The following TULP4 variants were observed in gnomAD, a reference collection of about 807,000 sequenced individuals.
The protein encoded by TULP4 is tubby-related protein 4.
Under a neutral mutation model 129.0 loss-of-function variants are expected in TULP4, and 16 were observed. The observed-to-expected ratio is 0.12, with a 90% confidence interval of 0.08 to 0.19. TULP4 has a LOEUF of 0.19. Among genes scored for constraint, TULP4 ranks in the 10% least tolerant of loss-of-function variants. TULP4 has a pLI of 1.00. For missense variants in TULP4, 1,842 were observed against 2,059.1 expected (o/e 0.89, Z 2.04); for synonymous variants, 998 against 854.0 (o/e 1.17, Z -2.94).
chr6:158,253,336 A>C (rs1291870552), intron 1 of TULP4, among the ~76,000 whole-genome samples: 1 of 152,208 alleles, frequency 6.6e-6, no homozygotes, highest in Non-Finnish European at 1.5e-5. Context: ...ATGTTGCCTG[A>C]ATAAACACGT....
At chr6:158,397,301 C>G (rs1181254177) in intron 1 of TULP4, among the ~76,000 whole-genome samples, 1 of 152,178 alleles carries the variant, frequency 6.6e-6, no homozygotes, top group Admixed American at 6.5e-5. Context: ...GCACAGGATA[C>G]CATCACACTT....
intron 1 of TULP4, among the ~76,000 whole-genome samples, chr6:158,239,975 G>A (rs1470118221): frequency 1.1e-5 from 1 of 92,842 alleles, no homozygotes; most frequent in Admixed American, 1.1e-4. Flanking sequence ...CGGACGGGGC[G>A]GCTGGCTGGG....
intron 3 of TULP4, among the ~76,000 whole-genome samples, chr6:158,431,540 G>C (rs574761706): frequency 1.1e-4 from 16 of 152,268 alleles, no homozygotes; most frequent in Middle Eastern, 3.4e-3. Flanking sequence ...TTGCCTTTGA[G>C]GTACAATTGG....
chr6:158,433,051 G>GT (rs1345743959), intron 3 of TULP4, among the ~76,000 whole-genome samples: 1 of 152,156 alleles, frequency 6.6e-6, no homozygotes, highest in Non-Finnish European at 1.5e-5. Flanking sequence ...GTATTTCATA[G>GT]TCTTTTTTGG....
chr6:158,315,831 G>C (rs1043955907), intron 1 of TULP4, among the ~76,000 whole-genome samples: 1 of 152,186 alleles, frequency 6.6e-6, no homozygotes, highest in South Asian at 2.1e-4. Flanking sequence ...AAGCTTCCTT[G>C]GGCCTATCTT....
chr6:158,461,718 A>G lies in TULP4; in HGVS notation c.1015A>G (p.Thr339Ala). Residue 339 changes from threonine to alanine, a missense_variant, in exon 6 of 14, where the codon ACT becomes GCT. Physicochemically the swap from Thr to Ala is moderately conservative, Grantham distance 58 (BLOSUM62 0). Transcript: ENST00000367097. ...VRGEHIFTLDTLVQRPIISIC... is the reference protein window; with the variant it reads ...VRGEHIFTLDALVQRPIISIC... ...TGGGGAGCACATCTTCACACTGGACACTCTCGTGCAGGTAAGGATGTTCTC... is the reference window on the plus strand; with the variant it reads ...TGGGGAGCACATCTTCACACTGGACGCTCTCGTGCAGGTAAGGATGTTCTC... The G allele has an allele frequency of 9.9e-6, 16 of 1,613,916 alleles. No individual in the cohort carries two copies. The South Asian group carries it at 1.1e-4, about 11-fold the overall frequency.
chr6:158,461,424 A>AAGG, intron 5 of TULP4, 139 bp from the exon 6 acceptor site: 1 of 771,786 alleles, frequency 1.3e-6, no homozygotes, highest in South Asian at 2.3e-5. Context: ...AAAAAAAAAA[A>AAGG]AAGGAAAAAA....
intron 1 of TULP4, among the ~76,000 whole-genome samples, chr6:158,350,543 G>A (rs545526638): frequency 1.2e-4 from 18 of 152,228 alleles, no homozygotes; most frequent in Non-Finnish European, 2.4e-4. Context: ...CGGTCAACAC[G>A]GCAAAACCCC....
chr6:158,464,843 G>A (rs959088494), intron 6 of TULP4, among the ~76,000 whole-genome samples: 2 of 152,220 alleles, frequency 1.3e-5, no homozygotes, highest in African/African-American at 4.8e-5. Context: ...GAAAAGGAAG[G>A]AGATTCTCTA....
intron 1 of TULP4, among the ~76,000 whole-genome samples, chr6:158,347,729 C>G (rs1780344743): frequency 6.6e-6 from 1 of 152,246 alleles, no homozygotes; most frequent in East Asian, 1.9e-4. Flanking sequence ...TGGGTGGTGC[C>G]TTCTTGACAC....
chr6:158,296,910 A>T (rs1245426453), intron 1 of TULP4, among the ~76,000 whole-genome samples: 3 of 152,220 alleles, frequency 2.0e-5, no homozygotes, highest in Non-Finnish European at 2.9e-5. Context: ...GACAAGGCAA[A>T]ATCAGAAACT....
At position 158,501,551 on chromosome 6, in the gene TULP4, C is replaced by G. The variant is rs1039223596; in HGVS notation, c.2015-127C>G. The stretch of plus-strand genomic sequence containing the variant: ...GCCAGCTTTCCCCAAGCAGACACGT[C>G]TCTGTCTCTGGCAATTTGCATTTTG... On this transcript the variant is annotated intron_variant, in intron 12 of 13. Coordinates refer to ENST00000367097, the MANE Select transcript of TULP4 (RefSeq NM_020245.5). 7.3e-6 allele frequency: 7 copies of G among 959,722 alleles called. No homozygotes were observed. The African/African-American group carries it at 8.2e-5, about 11-fold the overall frequency. The allele number at this position is 959,722 out of a possible 1,614,324, so 59.5% of individuals were successfully genotyped here. A position where few individuals can be genotyped will look rare whatever the true frequency, so the allele number is the denominator to read the frequency against.
Position 158,503,661 on chromosome 6 carries a change from T to C in TULP4, c.3998T>C (p.Phe1333Ser), listed in dbSNP as rs1780527229. Residue 1333 changes from phenylalanine to serine, a missense_variant, in exon 13 of 14, where the codon TTT (phenylalanine) becomes TCT (serine). By Grantham distance (155) the Phe-to-Ser change is radical. Around this residue, in one of 5 missense-constraint regions of TULP4, gnomAD observed 1,089 missense variants for 987.1 expected, o/e 1.10. Coordinates refer to ENST00000367097, the MANE Select transcript of TULP4 (RefSeq NM_020245.5). This position sits in a 1 kb window ranked among gnomAD's most constrained non-coding sequence, Gnocchi z 4.3. ...ESPVPQRTEK[F>S]GKKNRKRLDS... ...CCAGTCCCCCAGCGGACAGAAAAATTTGGAAAGAAGAACCGGAAGCGCCTG... is the reference window on the plus strand; with the variant it reads ...CCAGTCCCCCAGCGGACAGAAAAATCTGGAAAGAAGAACCGGAAGCGCCTG... 2 of 1,613,590 alleles carry C rather than the reference T, an allele frequency of 1.2e-6. No homozygotes were observed. Among genetic ancestry groups the C allele is most frequent in the Non-Finnish European group, 8.5e-7 (1 of 1,179,982 alleles).
intron 1 of TULP4, among the ~76,000 whole-genome samples, chr6:158,298,731 C>T (rs1779082128): frequency 6.6e-6 from 1 of 152,146 alleles, no homozygotes; most frequent in Non-Finnish European, 1.5e-5. Flanking sequence ...TAACACAACT[C>T]TGTATAGGAG....
In TULP4 at chr6:158,479,834, G is replaced by A. The variant is rs142402497; in HGVS notation, c.1110G>A (p.Val370=). Residue 370 remains valine, a synonymous_variant, in exon 7 of 14, where the codon GTG becomes GTA. Coordinates refer to ENST00000367097, the MANE Select transcript of TULP4 (RefSeq NM_020245.5). ...ASGPALYVVR[V]EHRVSSLQLL... ...GACCAGCCCTGTACGTGGTGCGTGTGGAGCACCGGGTGTCCAGCCTGCAGC... is the reference window on the plus strand; with the variant it reads ...GACCAGCCCTGTACGTGGTGCGTGTAGAGCACCGGGTGTCCAGCCTGCAGC... 56 of 1,613,876 alleles carry A rather than the reference G, an allele frequency of 3.5e-5. No homozygotes were observed. Among genetic ancestry groups the A allele is most frequent in the Non-Finnish European group, 3.1e-5 (37 of 1,180,010 alleles).
At chr6:158,348,666 G>GC (rs1313806691) in intron 1 of TULP4, among the ~76,000 whole-genome samples, 6 of 151,654 alleles carry the variant, frequency 4.0e-5, no homozygotes, top group African/African-American at 1.5e-4. Context: ...TGTCATCATG[G>GC]CCCGTTCTCG....
At chr6:158,454,861 C>T (rs1479752479) in intron 5 of TULP4, among the ~76,000 whole-genome samples, 2 of 152,034 alleles carry the variant, frequency 1.3e-5, no homozygotes, top group Non-Finnish European at 2.9e-5. Flanking sequence ...CCGCCTGGGC[C>T]TCCCGAAGTG....
chr6:158,452,095 T>C, intron 4 of TULP4, 39 bp from the exon 5 acceptor site: 1 of 1,606,112 alleles, frequency 6.2e-7, no homozygotes, highest in African/African-American at 1.3e-5. Flanking sequence ...TTGGGTGGTG[T>C]GCTTCCCTCC....
chr6:158,239,653 T>A (rs1777814139), intron 1 of TULP4, among the ~76,000 whole-genome samples: 2 of 61,828 alleles, frequency 3.2e-5, no homozygotes, highest in East Asian at 1.6e-3. Flanking sequence ...CCCCCCCACC[T>A]CCCTCCCGGA....
Sources: allele counts gnomAD v4.1 joint callset (sites outside exome capture counted in the v4.1 genomes callset), GRCh38; gene constraint gnomAD v4.1.1; regional missense constraint gnomAD v4.1.1; non-coding constraint Gnocchi (gnomAD v3.1); transcripts MANE v1.5; gene names NCBI Gene and HGNC (gene_info 2026-07-23, HGNC 2026-07-21).